ACOT8: variants seen among roughly 807,000 people sequenced by gnomAD.
ACOT8 encodes acyl-coenzyme A thioesterase 8.
ACOT8 carries 31 observed loss-of-function variants against 38.4 expected under a neutral mutation model. That is an observed-to-expected ratio of 0.81 (90% CI 0.61 to 1.09). The LOEUF is 1.09. ACOT8 is among the 50% of genes least tolerant of loss of function. The pLI is 0.00. For missense variants in ACOT8, 373 were observed against 421.8 expected (o/e 0.88, Z 1.01); for synonymous variants, 158 against 170.3 (o/e 0.93, Z 0.56).
intron 3 of ACOT8, among the ~76,000 whole-genome samples, 174 bp downstream of exon 3, chr20:45,848,276 A>G (rs986616383): frequency 4.6e-5 from 7 of 152,118 alleles, no homozygotes; most frequent in Non-Finnish European, 1.0e-4. Context: ...CTAAACCTCA[A>G]GTTTCACAAA....
Position 45,844,294 on chromosome 20 carries a change from C to A in ACOT8, c.615G>T (p.Gln205His). 6.2e-7 allele frequency: 1 copy of A among 1,614,208 alleles called. No individual in the cohort carries two copies. The highest frequency in any genetic ancestry group is 2.2e-5 in the East Asian group (1 of 44,888). Residue 205 changes from glutamine (Q) to histidine (H), a missense_variant, in exon 4 of 6, where the codon CAG becomes CAT. By Grantham distance (24) the Gln-to-His change is conservative. Coordinates refer to ENST00000217455, the MANE Select transcript of ACOT8 (RefSeq NM_005469.4). ...AGCCCCGGGCTCGCACCCAGAACAT[C>A]TGTTTGGGCTCCATTCTCTGCAGCT... is the stretch of plus-strand genomic sequence containing the variant. ...LSQLQRMEPK[Q>H]MFWVRARGYI...
chr20:45,845,840 T>TG (rs1399054964), intron 3 of ACOT8, among the ~76,000 whole-genome samples: 46 of 151,830 alleles, frequency 3.0e-4, no homozygotes, highest in African/African-American at 1.1e-3. Flanking sequence ...TTTTTTTGTT[T>TG]TTTTTTTTTT....
At chr20:45,855,107 A>C in intron 2 of ACOT8, 52 bp downstream of exon 2, 3 of 1,604,250 alleles carry the variant, frequency 1.9e-6, no homozygotes, top group Non-Finnish European at 2.6e-6. Flanking sequence ...CAAGGCCAGA[A>C]ATGGCTGCTG....
At chr20:45,850,615 T>C (rs1167250535) in intron 2 of ACOT8, among the ~76,000 whole-genome samples, 2 of 152,198 alleles carry the variant, frequency 1.3e-5, no homozygotes, top group Non-Finnish European at 2.9e-5. Flanking sequence ...TGGAAGCCAT[T>C]TGGTCCTTCA....
chr20:45,844,315 C>T lies in ACOT8; in HGVS notation c.594G>A (p.Leu198=). Residue 198 remains leucine, a synonymous_variant, in exon 4 of 6, where the codon CTG becomes CTA. Transcript: ENST00000217455. ...KPVNPSPLSQ[L]QRMEPKQMFW... ...ACATCTGTTTGGGCTCCATTCTCTG[C>T]AGCTGGCTCAGGGGGGATGGGTTTA... 9.3e-6 allele frequency: 15 copies of T among 1,614,176 alleles called. No individual in the cohort carries two copies. Among genetic ancestry groups the T allele is most frequent in the African/African-American group, 1.3e-5 (1 of 75,038 alleles).
chr20:45,842,357 A>G (rs1473761940), intron 5 of ACOT8: 2 of 1,353,872 alleles, frequency 1.5e-6, no homozygotes, highest in Non-Finnish European at 1.9e-6. Flanking sequence ...AGGAGCTCTG[A>G]GAACAGTCTC....
At position 45,848,681 on chromosome 20, in the gene ACOT8, G is replaced by A. The variant is rs751125055; in HGVS notation, c.263-6C>T. 4 of 1,599,392 alleles carry A rather than the reference G, an allele frequency of 2.5e-6. No homozygotes were observed. In the African/African-American group the frequency reaches 5.4e-5, roughly 21 times the overall value. On this transcript the variant is annotated splice_polypyrimidine_tract_variant and splice_region_variant and intron_variant, in intron 2 of 5. Transcript: ENST00000217455. ...TACTGGCAGCTTCGGGTCCCCTGCA[G>A]TGGGCACAAGGACACAGTGGGTCCA...
chr20:45,854,724 A>G (rs573595781), intron 2 of ACOT8, among the ~76,000 whole-genome samples: 2 of 152,192 alleles, frequency 1.3e-5, no homozygotes, highest in African/African-American at 4.8e-5. Flanking sequence ...TATTGACCCT[A>G]TGCTCAGTTG....
intron 2 of ACOT8, among the ~76,000 whole-genome samples, chr20:45,852,614 G>A (rs998844217): frequency 1.3e-5 from 2 of 152,154 alleles, no homozygotes; most frequent in African/African-American, 4.8e-5. Context: ...ATATGGCTTA[G>A]CCAAATTTTT....
rs778167110 is a variant in ACOT8, at chr20:45,841,973, G to T, written c.842-17C>A. The stretch of plus-strand genomic sequence containing the variant: ...GAGAGCCACCTGTGGGTGAGGTGAA[G>T]GGTGATGATGGCCTGCTTCAGAACA... On this transcript the variant is annotated splice_polypyrimidine_tract_variant and intron_variant, in intron 5 of 5. Coordinates refer to ENST00000217455, the MANE Select transcript of ACOT8 (RefSeq NM_005469.4). The T allele has an allele frequency of 4.3e-6, 7 of 1,612,652 alleles. No individual in the cohort carries two copies. In the African/African-American group the frequency reaches 9.3e-5, roughly 22 times the overall value.
intron 3 of ACOT8, among the ~76,000 whole-genome samples, chr20:45,846,056 T>G (rs1984666897): frequency 6.6e-6 from 1 of 152,116 alleles, no homozygotes; most frequent in African/African-American, 2.4e-5. Flanking sequence ...GCCAGGCTGG[T>G]CTCAAACTCC....
chr20:45,848,679 C>A lies in ACOT8; in HGVS notation c.263-4G>T. On this transcript the variant is annotated splice_polypyrimidine_tract_variant and splice_region_variant and intron_variant, in intron 2 of 5. Coordinates refer to ENST00000217455, the MANE Select transcript of ACOT8 (RefSeq NM_005469.4). ...AGTACTGGCAGCTTCGGGTCCCCTGCAGTGGGCACAAGGACACAGTGGGTC... is the reference window on the plus strand; with the variant it reads ...AGTACTGGCAGCTTCGGGTCCCCTGAAGTGGGCACAAGGACACAGTGGGTC... 1 of 1,600,748 alleles carries A rather than the reference C, an allele frequency of 6.2e-7. No individual in the cohort carries two copies. Among genetic ancestry groups the A allele is most frequent in the Non-Finnish European group, 8.5e-7 (1 of 1,172,346 alleles).
chr20:45,842,691 T>C (rs1984321186), intron 5 of ACOT8: 2 of 989,766 alleles, frequency 2.0e-6, no homozygotes, highest in African/African-American at 1.7e-5. Flanking sequence ...GAAGCAGTTA[T>C]GTGTTGTCCA....
intron 2 of ACOT8, among the ~76,000 whole-genome samples, chr20:45,851,691 A>AT (rs150954173): frequency 1.3e-5 from 2 of 152,132 alleles, no homozygotes; most frequent in African/African-American, 2.4e-5. Flanking sequence ...TTAAAATACA[A>AT]TTTTTTTGTA....
chr20:45,843,881 A>G lies in ACOT8; in HGVS notation c.647-160T>C. On this transcript the variant is annotated intron_variant, in intron 4 of 5. Transcript: ENST00000217455. ...GTGTGTGTGATAGGGGAGAAGTGAGATGGCGACTTGGGGAGGGCAGGGGTG... is the reference window on the plus strand; with the variant it reads ...GTGTGTGTGATAGGGGAGAAGTGAGGTGGCGACTTGGGGAGGGCAGGGGTG... 6.5e-6 allele frequency: 9 copies of G among 1,390,934 alleles called. No homozygotes were observed. The South Asian group carries it at 7.4e-5, about 11-fold the overall frequency. 86.2% of individuals were successfully genotyped at this position (1,390,934 alleles called of 1,614,324 possible). A position where few individuals can be genotyped will look rare whatever the true frequency, so the allele number is the denominator to read the frequency against.
chr20:45,852,231 G>A lies in ACOT8; in HGVS notation c.262+2928C>T, dbSNP rs190502588. On this transcript the variant is annotated intron_variant, in intron 2 of 5. Coordinates refer to ENST00000217455, the MANE Select transcript of ACOT8 (RefSeq NM_005469.4). ...CACCCAGGCTGGAGTACAGTAGCAC[G>A]ATCTCAGCTCACTGCAACCTCCACC... 9.2e-5 allele frequency among the ~76,000 whole-genome samples: 14 copies of A among 151,598 alleles called. No individual in the cohort carries two copies. The East Asian group carries it at 1.7e-3, about 19-fold the overall frequency.
intron 3 of ACOT8, among the ~76,000 whole-genome samples, chr20:45,845,856 G>A (rs545270229): frequency 8.7e-5 from 13 of 148,586 alleles, no homozygotes; most frequent in African/African-American, 2.7e-4. Context: ...TTTTTAAGAC[G>A]GAATCTCGCT....
chr20:45,854,334 C>T (rs557716140), intron 2 of ACOT8, among the ~76,000 whole-genome samples: 5 of 151,012 alleles, frequency 3.3e-5, no homozygotes, highest in African/African-American at 7.3e-5. Context: ...CTCAGCCTCC[C>T]GAGTAGCTGG....
intron 2 of ACOT8, 127 bp downstream of exon 2, chr20:45,855,031 TG>T: frequency 7.6e-7 from 1 of 1,321,320 alleles, no homozygotes; most frequent in Non-Finnish European, 1.0e-6. Context: ...CCTCTTAGGG[TG>T]GTAGTGTCCG....
Sources: allele counts gnomAD v4.1 joint callset (sites outside exome capture counted in the v4.1 genomes callset), GRCh38; gene constraint gnomAD v4.1.1; transcripts MANE v1.5; gene names NCBI Gene and HGNC (gene_info 2026-07-23, HGNC 2026-07-21).